Variants in NLGN1 observed in about 807,000 individuals in gnomAD.
The protein encoded by NLGN1 is neuroligin-1.
In NLGN1, 12 loss-of-function variants were observed where a neutral mutation model predicts 65.5. The ratio of observed to expected loss-of-function variants is 0.18; its 90% CI spans 0.12 to 0.30. The LOEUF (loss-of-function observed/expected upper bound fraction) is 0.30, where lower values mean the gene tolerates loss of function less well. Among genes scored for constraint, NLGN1 ranks in the 10% least tolerant of loss-of-function variants. The pLI is 1.00. For missense variants in NLGN1, 750 were observed against 1,007.1 expected (o/e 0.74, Z 3.46); for synonymous variants, 350 against 359.5 (o/e 0.97, Z 0.30).
At chr3:174,078,944 T>C (rs1224424261) in intron 4 of NLGN1, among the ~76,000 whole-genome samples, 1 of 152,164 alleles carries the variant, frequency 6.6e-6, no homozygotes, top group African/African-American at 2.4e-5. Context: ...TTTCTATAAA[T>C]GAAGATTATA....
At chr3:173,483,501 ATCAT>A (rs1560317361) in intron 2 of NLGN1, among the ~76,000 whole-genome samples, 1 of 152,148 alleles carries the variant, frequency 6.6e-6, no homozygotes, top group Non-Finnish European at 1.5e-5. Context: ...ATAACAGTTT[ATCAT>A]TCAAACATAC....
chr3:174,085,994 A>G (rs1743154300), intron 4 of NLGN1, among the ~76,000 whole-genome samples: 1 of 151,992 alleles, frequency 6.6e-6, no homozygotes, highest in South Asian at 2.1e-4. Context: ...TTGTAATGAA[A>G]TTAACAAATT....
At chr3:173,459,966 C>A (rs1379850824) in intron 2 of NLGN1, among the ~76,000 whole-genome samples, 2 of 151,922 alleles carry the variant, frequency 1.3e-5, no homozygotes, top group East Asian at 3.8e-4. Context: ...ATTTTTATAG[C>A]ATATGTGAAT....
chr3:173,728,403 CAG>C (rs1292904311), intron 3 of NLGN1, among the ~76,000 whole-genome samples: 1 of 152,042 alleles, frequency 6.6e-6, no homozygotes, highest in African/African-American at 2.4e-5. Context: ...CAATATATAA[CAG>C]AGGTGACTAC....
At chr3:174,000,835 T>C (rs1280889183) in intron 4 of NLGN1, among the ~76,000 whole-genome samples, 1 of 152,132 alleles carries the variant, frequency 6.6e-6, no homozygotes, top group African/African-American at 2.4e-5. Flanking sequence ...CATGTCCATA[T>C]CCAGACATGT....
chr3:173,819,852 C>T (rs1439211832), intron 4 of NLGN1, among the ~76,000 whole-genome samples: 1 of 152,176 alleles, frequency 6.6e-6, no homozygotes, highest in Non-Finnish European at 1.5e-5. Flanking sequence ...ACTGTGTGCC[C>T]TTCTCAGGAT....
chr3:173,715,523 GT>G (rs1769704096), intron 3 of NLGN1, among the ~76,000 whole-genome samples: 1 of 152,088 alleles, frequency 6.6e-6, no homozygotes, highest in East Asian at 1.9e-4. Context: ...CAGAATCAAG[GT>G]AGCGAAAAGG....
At chr3:174,220,099 A>G (rs1382244620) in intron 4 of NLGN1, among the ~76,000 whole-genome samples, 1 of 152,094 alleles carries the variant, frequency 6.6e-6, no homozygotes, top group Non-Finnish European at 1.5e-5. Flanking sequence ...CACTAACGAA[A>G]ACAGAGACCT....
At chr3:173,539,394 CATAT>C (rs199516174) in intron 2 of NLGN1, among the ~76,000 whole-genome samples, 1 of 146,146 alleles carries the variant, frequency 6.8e-6, no homozygotes, top group African/African-American at 2.5e-5. Flanking sequence ...ATATAAAAAA[CATAT>C]ATATGTTATA....
At chr3:173,650,419 G>T (rs1180228595) in intron 3 of NLGN1, among the ~76,000 whole-genome samples, 1 of 152,128 alleles carries the variant, frequency 6.6e-6, no homozygotes, top group South Asian at 2.1e-4. Flanking sequence ...TTCTGTTGTG[G>T]AAGATAATAC....
intron 4 of NLGN1, among the ~76,000 whole-genome samples, chr3:173,948,096 G>A (rs1747521814): frequency 1.3e-5 from 2 of 152,202 alleles, no homozygotes; most frequent in South Asian, 4.1e-4. Flanking sequence ...GTGGGAGACA[G>A]CACAGAGGTG....
intron 3 of NLGN1, among the ~76,000 whole-genome samples, chr3:173,796,212 T>G (rs1006233729): frequency 6.6e-6 from 1 of 152,078 alleles, no homozygotes; most frequent in Non-Finnish European, 1.5e-5. Flanking sequence ...ATATTAGCCC[T>G]TCATCAAAGG....
intron 3 of NLGN1, among the ~76,000 whole-genome samples, chr3:173,701,898 G>T (rs1203502096): frequency 1.3e-5 from 2 of 152,164 alleles, no homozygotes; most frequent in African/African-American, 4.8e-5. Context: ...CTACTGTGCT[G>T]CCTTTGTTTC....
chr3:173,420,904 C>T (rs1714919251), intron 1 of NLGN1, among the ~76,000 whole-genome samples: 1 of 152,126 alleles, frequency 6.6e-6, no homozygotes, highest in Non-Finnish European at 1.5e-5. Context: ...CATTGCTCTG[C>T]TTATTGGGTG....
intron 3 of NLGN1, among the ~76,000 whole-genome samples, chr3:173,782,302 G>A (rs1457568997): frequency 6.6e-6 from 1 of 152,070 alleles, no homozygotes; most frequent in Non-Finnish European, 1.5e-5. Flanking sequence ...ATTCCTGCAA[G>A]CAACATAGAT....
chr3:173,822,509 T>A (rs1720518737), intron 4 of NLGN1, among the ~76,000 whole-genome samples: 1 of 152,172 alleles, frequency 6.6e-6, no homozygotes, highest in African/African-American at 2.4e-5. Context: ...GTGTTTAAAA[T>A]TACCTTCTGG....
intron 2 of NLGN1, among the ~76,000 whole-genome samples, chr3:173,516,454 T>G (rs1248741027): frequency 6.6e-6 from 1 of 152,040 alleles, no homozygotes; most frequent in Non-Finnish European, 1.5e-5. Flanking sequence ...CTTCCTGAAC[T>G]TTTTGTATCA....
At chr3:174,143,765 A>G (rs1322221361) in intron 4 of NLGN1, among the ~76,000 whole-genome samples, 1 of 152,160 alleles carries the variant, frequency 6.6e-6, no homozygotes, top group Admixed American at 6.6e-5. Flanking sequence ...CAAGTTTAGG[A>G]TTGGTTAACA....
chr3:174,092,650 T>C (rs1744743961), intron 4 of NLGN1, among the ~76,000 whole-genome samples: 1 of 152,094 alleles, frequency 6.6e-6, no homozygotes, highest in Admixed American at 6.6e-5. Context: ...TTATTATTAT[T>C]ATTATTTTAC....
Sources: gnomAD v4.1 joint callset for allele counts (sites outside exome capture counted in the v4.1 genomes callset) on GRCh38, gnomAD v4.1.1 for gene constraint, MANE v1.5 for transcripts, NCBI Gene and HGNC (gene_info 2026-07-23, HGNC 2026-07-21) for gene names.